Variants in NEURL1 observed in about 807,000 individuals in gnomAD.
NEURL1 encodes the protein neuralized E3 ubiquitin protein ligase 1.
NEURL1 carries 26 observed loss-of-function variants against 41.2 expected under a neutral mutation model. The ratio of observed to expected loss-of-function variants is 0.63; its 90% CI spans 0.46 to 0.87. The LOEUF is 0.87. NEURL1 is among the 40% of genes least tolerant of loss of function. NEURL1 has a pLI of 0.00. For missense variants in NEURL1, 761 were observed against 871.1 expected (o/e 0.87, Z 1.59); for synonymous variants, 400 against 402.3 (o/e 0.99, Z 0.07).
intron 1 of NEURL1, among the ~76,000 whole-genome samples, chr10:103,514,511 T>TC (rs1315621072): frequency 1.3e-5 from 2 of 152,122 alleles, no homozygotes; most frequent in African/African-American, 4.8e-5. Context: ...CCCCTGGGCT[T>TC]CTCTTCACTC....
rs768946045 is a variant in NEURL1, at chr10:103,571,837, C to T, written c.649+15C>T. On this transcript the variant is annotated intron_variant, in intron 3 of 5. Transcript: ENST00000369780. ...CCAGCTGCTTGGTGAGTGCCTGCCCCTCCGGCCCCTTGGTGCAGGGGACAC... is the reference window on the plus strand; with the variant it reads ...CCAGCTGCTTGGTGAGTGCCTGCCCTTCCGGCCCCTTGGTGCAGGGGACAC... 5.7e-6 allele frequency: 9 copies of T among 1,581,912 alleles called. No homozygotes were observed. The East Asian group carries it at 1.3e-4, about 24-fold the overall frequency.
intron 1 of NEURL1, among the ~76,000 whole-genome samples, chr10:103,553,089 T>C (rs929796594): frequency 2.6e-5 from 4 of 152,016 alleles, no homozygotes; most frequent in Middle Eastern, 3.4e-3. Flanking sequence ...GCCAGCTGAG[T>C]GTGTTAAAAG....
intron 1 of NEURL1, among the ~76,000 whole-genome samples, chr10:103,551,297 A>ATTTTTTTTT (rs528332099): frequency 3.4e-5 from 4 of 118,722 alleles, no homozygotes; most frequent in African/African-American, 1.5e-4. Context: ...GGTCAAATGA[A>ATTTTTTTTT]TTTTTTTTTT....
At chr10:103,559,368 C>T (rs2035231817) in intron 1 of NEURL1, among the ~76,000 whole-genome samples, 1 of 152,164 alleles carries the variant, frequency 6.6e-6, no homozygotes, top group Non-Finnish European at 1.5e-5. Context: ...GCCTGGCACA[C>T]AGTGGCTCCC....
At chr10:103,514,439 A>G (rs1041426506) in intron 1 of NEURL1, among the ~76,000 whole-genome samples, 4 of 151,880 alleles carry the variant, frequency 2.6e-5, no homozygotes, top group African/African-American at 7.3e-5. Flanking sequence ...TGTCAAGTGG[A>G]GTGTGGACTC....
intron 1 of NEURL1, among the ~76,000 whole-genome samples, chr10:103,522,435 C>A (rs1361973162): frequency 1.4e-5 from 2 of 148,030 alleles, no homozygotes; most frequent in Non-Finnish European, 3.0e-5. Flanking sequence ...TGAAGAAACC[C>A]CATCTCTACT....
chr10:103,581,106 G>T (rs2035775807), intron 3 of NEURL1, among the ~76,000 whole-genome samples: 1 of 152,204 alleles, frequency 6.6e-6, no homozygotes. Flanking sequence ...GCTTCTGGGT[G>T]CTGGGGGTGG....
chr10:103,532,013 A>T (rs1460800852), intron 1 of NEURL1, among the ~76,000 whole-genome samples: 2 of 151,946 alleles, frequency 1.3e-5, no homozygotes, highest in East Asian at 3.9e-4. Context: ...TTTTCCTGCC[A>T]ATTTTGGTTT....
At chr10:103,512,601 A>T (rs547349870) in intron 1 of NEURL1, among the ~76,000 whole-genome samples, 40 of 152,284 alleles carry the variant, frequency 2.6e-4, no homozygotes, top group African/African-American at 9.6e-4. Flanking sequence ...GTTCAAGACC[A>T]GCCTGGGTGA....
chr10:103,498,434 G>A (rs112020429), intron 1 of NEURL1, among the ~76,000 whole-genome samples: 33,905 of 151,924 alleles, frequency 0.22, 4,011 homozygotes, highest in Admixed American at 0.27. Flanking sequence ...CACCGTGTTA[G>A]CCAGGATGGT....
chr10:103,499,298 C>G (rs181245584), intron 1 of NEURL1, among the ~76,000 whole-genome samples: 2 of 152,160 alleles, frequency 1.3e-5, no homozygotes, highest in African/African-American at 4.8e-5. Context: ...GTCTGTAGAC[C>G]CTGAATTTCC....
At chr10:103,503,813 CAG>C (rs2033881971) in intron 1 of NEURL1, among the ~76,000 whole-genome samples, 1 of 87,760 alleles carries the variant, frequency 1.1e-5, no homozygotes, top group Admixed American at 1.6e-4. Flanking sequence ...TTTTTTGAGA[CAG>C]GGTCTTGTTC....
chr10:103,555,383 G>A (rs1439577476), intron 1 of NEURL1: 3 of 1,359,508 alleles, frequency 2.2e-6, no homozygotes, highest in Non-Finnish European at 2.9e-6. Context: ...GCCGGAGATG[G>A]GGGGACAGAT....
intron 1 of NEURL1, among the ~76,000 whole-genome samples, chr10:103,569,064 T>G (rs1254969011): frequency 6.6e-6 from 1 of 152,174 alleles, no homozygotes; most frequent in African/African-American, 2.4e-5. Context: ...ATCCACCCTC[T>G]TTGGCCTCCC....
At chr10:103,527,398 G>A (rs905671030) in intron 1 of NEURL1, among the ~76,000 whole-genome samples, 21 of 151,096 alleles carry the variant, frequency 1.4e-4, no homozygotes, top group Middle Eastern at 3.4e-3. Flanking sequence ...AGGTTCAAGC[G>A]ATTCTCCTGC....
intron 1 of NEURL1, among the ~76,000 whole-genome samples, chr10:103,527,012 A>G (rs2034474190): frequency 6.6e-6 from 1 of 151,878 alleles, no homozygotes; most frequent in South Asian, 2.1e-4. Context: ...AGCAGCCCTG[A>G]GGGCTCCTGG....
intron 1 of NEURL1, chr10:103,555,305 G>A: frequency 8.0e-7 from 1 of 1,257,180 alleles, no homozygotes; most frequent in Non-Finnish European, 1.0e-6. Flanking sequence ...GAGGAGGAGG[G>A]GAGCAGCCGG....
chr10:103,539,584 G>A lies in NEURL1; in HGVS notation c.86-31288G>A, dbSNP rs75846612. On this transcript the variant is annotated intron_variant, in intron 1 of 5. Coordinates refer to ENST00000369780, the MANE Select transcript of NEURL1 (RefSeq NM_004210.5). ...CAGTTCAGCTGGAGGGAGCAAAGGG[G>A]TGTGTGGGGACACCAGGGAAGACAC... 4.0e-3 allele frequency among the ~76,000 whole-genome samples: 607 copies of A among 152,322 alleles called. 21 individuals are homozygous for A. The East Asian group carries it at 0.075, about 19-fold the overall frequency.
intron 1 of NEURL1, among the ~76,000 whole-genome samples, chr10:103,570,655 G>A (rs1426969028): frequency 6.6e-6 from 1 of 151,738 alleles, no homozygotes; most frequent in Non-Finnish European, 1.5e-5. Flanking sequence ...GTGAGAAGTG[G>A]TGGATAGTGA....
Sources: gnomAD v4.1 joint callset for allele counts (sites outside exome capture counted in the v4.1 genomes callset) on GRCh38, gnomAD v4.1.1 for gene constraint, MANE v1.5 for transcripts, NCBI Gene and HGNC (gene_info 2026-07-23, HGNC 2026-07-21) for gene names.